Variants in STT3B observed in about 807,000 individuals in gnomAD.
The protein encoded by STT3B is dolichyl-diphosphooligosaccharide--protein glycosyltransferase subunit STT3B.
Under a neutral mutation model 96.8 loss-of-function variants are expected in STT3B, and 29 were observed. The ratio of observed to expected loss-of-function variants is 0.30; its 90% CI spans 0.22 to 0.41. STT3B has a LOEUF of 0.41. Among genes scored for constraint, STT3B ranks in the 10% least tolerant of loss-of-function variants. STT3B has a pLI of 1.00. For missense variants in STT3B, 640 were observed against 1,022.3 expected (o/e 0.63, Z 5.10); for synonymous variants, 367 against 360.0 (o/e 1.02, Z -0.22).
At chr3:31,591,231 T>A (rs1228825536) in intron 3 of STT3B, among the ~76,000 whole-genome samples, 1 of 152,150 alleles carries the variant, frequency 6.6e-6, no homozygotes, top group Admixed American at 6.5e-5. Flanking sequence ...TAGTTCTCTT[T>A]ATCTCTAGGA....
intron 5 of STT3B, among the ~76,000 whole-genome samples, chr3:31,611,633 A>G (rs1236388102): frequency 6.6e-6 from 1 of 152,130 alleles, no homozygotes; most frequent in Non-Finnish European, 1.5e-5. Context: ...AGTAGCTGGG[A>G]TTACAGGCAC....
intron 1 of STT3B, 60 bp downstream of exon 1, chr3:31,533,372 C>G (rs1213344446): frequency 1.4e-6 from 2 of 1,388,108 alleles, no homozygotes; most frequent in Non-Finnish European, 1.9e-6. Context: ...ACCCGCTCCT[C>G]CGCCCGCCGC....
intron 2 of STT3B, among the ~76,000 whole-genome samples, chr3:31,576,762 A>G (rs1402707845): frequency 6.6e-6 from 1 of 152,126 alleles, no homozygotes; most frequent in Admixed American, 6.5e-5. Flanking sequence ...ATCTGCTGTC[A>G]CAGTGTATCT....
intron 5 of STT3B, among the ~76,000 whole-genome samples, chr3:31,604,401 GA>G (rs1699001850): frequency 6.6e-6 from 1 of 151,806 alleles, no homozygotes; most frequent in Admixed American, 6.6e-5. Flanking sequence ...GTTTAACTTA[GA>G]AAAAACAAAC....
Position 31,580,030 on chromosome 3 carries a change from A to C in STT3B, c.645A>C (p.Ser215=). 6.2e-7 allele frequency: 1 copy of C among 1,613,872 alleles called. No individual in the cohort carries two copies. Among genetic ancestry groups the C allele is most frequent in the Middle Eastern group, 1.7e-4 (1 of 6,056 alleles). Residue 215 remains serine, a synonymous_variant, in exon 3 of 16, where the codon TCA becomes TCC. Transcript: ENST00000295770. ...TTGTACCAGGCTACATATCTCGGTC[A>C]GTAGCTGGATCCTTTGATAATGAAG... ...IAIVPGYISR[S]VAGSFDNEGI...
At chr3:31,626,709 C>T (rs751913338) in intron 13 of STT3B, among the ~76,000 whole-genome samples, 9 of 152,058 alleles carry the variant, frequency 5.9e-5, no homozygotes, top group Non-Finnish European at 1.0e-4. Flanking sequence ...TGACCGAGGC[C>T]GACTAGGTTA....
chr3:31,615,593 C>T (rs141782091), intron 6 of STT3B, among the ~76,000 whole-genome samples: 333 of 151,872 alleles, frequency 2.2e-3, no homozygotes, highest in African/African-American at 7.8e-3. Flanking sequence ...TTATGAAATG[C>T]TTTTACTTAG....
chr3:31,596,845 C>G lies in STT3B; in HGVS notation c.759C>G (p.Cys253Trp). 1 of 1,612,632 alleles carries G rather than the reference C, an allele frequency of 6.2e-7. No homozygotes were observed. Among genetic ancestry groups the G allele is most frequent in the Non-Finnish European group, 8.5e-7 (1 of 1,179,118 alleles). Residue 253 changes from cysteine (C) to tryptophan (W), a missense_variant, in exon 4 of 16, where the codon TGC becomes TGG. Cys to Trp is a radical substitution (Grantham distance 215, BLOSUM62 -2). This residue lies in a region of STT3B where 267 missense variants were observed against 388.3 expected (regional missense o/e 0.69). Coordinates refer to ENST00000295770, the MANE Select transcript of STT3B (RefSeq NM_178862.3). ...TGSVFWTMCC[C>W]LSYFYMVSAW... ...CAGTTTTTTGGACAATGTGCTGCTGCTTATCCTATTTCTATATGGTAAGAT... is the reference window on the plus strand; with the variant it reads ...CAGTTTTTTGGACAATGTGCTGCTGGTTATCCTATTTCTATATGGTAAGAT...
At chr3:31,608,330 AGAT>A (rs1342331199) in intron 5 of STT3B, among the ~76,000 whole-genome samples, 1 of 152,166 alleles carries the variant, frequency 6.6e-6, no homozygotes, top group Non-Finnish European at 1.5e-5. Context: ...TGGGGGAAAG[AGAT>A]GGGATTTTCC....
chr3:31,537,079 A>C (rs902992383), intron 1 of STT3B, among the ~76,000 whole-genome samples: 2 of 152,236 alleles, frequency 1.3e-5, no homozygotes, highest in East Asian at 1.9e-4. Flanking sequence ...TTTTGGCTGT[A>C]GTTAGCAAAA....
At chr3:31,580,168 C>T in intron 3 of STT3B, 72 bp downstream of exon 3, 1 of 1,467,878 alleles carries the variant, frequency 6.8e-7, no homozygotes, top group East Asian at 2.3e-5. Context: ...AGGCTGTACG[C>T]AGATTTGTCT....
intron 3 of STT3B, among the ~76,000 whole-genome samples, chr3:31,586,983 C>CT (rs2125456749): frequency 6.6e-6 from 1 of 152,058 alleles, no homozygotes; most frequent in African/African-American, 2.4e-5. Flanking sequence ...AATATGTAGT[C>CT]TTCTGATCTG....
At chr3:31,601,193 C>T (rs1698919870) in intron 5 of STT3B, among the ~76,000 whole-genome samples, 2 of 152,274 alleles carry the variant, frequency 1.3e-5, no homozygotes, top group Non-Finnish European at 2.9e-5. Context: ...CAGTTCCACT[C>T]CTAGGTATTT....
chr3:31,576,613 A>G (rs963849550), intron 2 of STT3B, 109 bp downstream of exon 2: 3 of 574,534 alleles, frequency 5.2e-6, no homozygotes, highest in Admixed American at 3.9e-5. Context: ...ATAGTTAACA[A>G]ATTTTTCTGT....
chr3:31,636,428 GC>G lies in STT3B; in HGVS notation c.*365del, dbSNP rs1488662890. 6.0e-6 allele frequency: 1 copy of G among 165,332 alleles called. No individual in the cohort carries two copies. Among genetic ancestry groups the G allele is most frequent in the African/African-American group, 2.4e-5 (1 of 42,026 alleles). The allele number at this position is 165,332 out of a possible 1,614,324, so 10.2% of individuals were successfully genotyped here. On this transcript the variant is annotated 3_prime_UTR_variant, in exon 16 of 16. Transcript: ENST00000295770. ...ATGTTTTTATTCTTTTACAAGACCT[GC>G]ATTTTATTTGAATTACCCGAATAGC...
intron 2 of STT3B, among the ~76,000 whole-genome samples, chr3:31,578,386 A>G (rs948643350): frequency 3.9e-5 from 6 of 151,972 alleles, no homozygotes; most frequent in Admixed American, 2.6e-4. Context: ...AGAATACCCT[A>G]TCTTGAGCTT....
At chr3:31,627,715 T>G (rs1699565969) in intron 13 of STT3B, among the ~76,000 whole-genome samples, 1 of 152,222 alleles carries the variant, frequency 6.6e-6, no homozygotes, top group African/African-American at 2.4e-5. Context: ...TTTTTTGTAT[T>G]AATCTTCTGA....
At chr3:31,596,769 TTATTA>T (rs1698801936) in intron 3 of STT3B, 24 bp from the exon 4 acceptor site, 1 of 1,545,024 alleles carries the variant, frequency 6.5e-7, no homozygotes, top group South Asian at 1.1e-5. Flanking sequence ...GTAAACATTT[TTATTA>T]TATCAGTTGC....
At chr3:31,591,024 A>C (rs906494573) in intron 3 of STT3B, among the ~76,000 whole-genome samples, 1 of 152,032 alleles carries the variant, frequency 6.6e-6, no homozygotes, top group African/African-American at 2.4e-5. Context: ...CAAATCTTCT[A>C]TATGCTCATC....
Sources: allele counts gnomAD v4.1 joint callset (sites outside exome capture counted in the v4.1 genomes callset), GRCh38; gene constraint gnomAD v4.1.1; regional missense constraint gnomAD v4.1.1; transcripts MANE v1.5; gene names NCBI Gene and HGNC (gene_info 2026-07-23, HGNC 2026-07-21).